Variants in OR1B1 observed in about 807,000 individuals in gnomAD.
OR1B1 encodes olfactory receptor family 1 subfamily B member 1.
For synonymous variants in OR1B1, 168 were observed against 156.2 expected (o/e 1.08, Z -0.57); for missense variants, 414 against 402.1 (o/e 1.03, Z -0.25).
At chr9:122,656,576 C>T in the OR1B1 span, among the ~76,000 whole-genome samples, 4 of 152,128 alleles carry the variant, frequency 2.6e-5, no homozygotes, top group Non-Finnish European at 5.9e-5. Context: ...AATGGGATAA[C>T]CCTTGCCAAA....
the OR1B1 span, among the ~76,000 whole-genome samples, chr9:122,653,515 T>C: frequency 6.6e-6 from 1 of 152,188 alleles, no homozygotes; most frequent in African/African-American, 2.4e-5. Context: ...AAATACAATA[T>C]AAGACATTCT....
the OR1B1 span, among the ~76,000 whole-genome samples, chr9:122,655,366 G>A: frequency 6.6e-6 from 1 of 152,116 alleles, no homozygotes; most frequent in Non-Finnish European, 1.5e-5. Flanking sequence ...CTCCTTGAAA[G>A]TCCTATTCTG....
At chr9:122,632,745 G>A (rs927447186), upstream of OR1B1, among the ~76,000 whole-genome samples, 4 of 152,106 alleles carry the variant, frequency 2.6e-5, no homozygotes, top group Non-Finnish European at 5.9e-5. Flanking sequence ...ATACCCAGGA[G>A]ACAGTACAAA....
At chr9:122,637,683 T>C in the OR1B1 span, among the ~76,000 whole-genome samples, 1 of 152,224 alleles carries the variant, frequency 6.6e-6, no homozygotes, top group African/African-American at 2.4e-5. Flanking sequence ...CATTCTTAGT[T>C]TGCAAACATT....
At chr9:122,628,313 T>G (rs911277269), downstream of OR1B1, among the ~76,000 whole-genome samples, 5 of 152,200 alleles carry the variant, frequency 3.3e-5, no homozygotes, top group African/African-American at 9.7e-5. Flanking sequence ...CTACCCAGAC[T>G]TGGTAATTCT....
upstream of OR1B1, among the ~76,000 whole-genome samples, chr9:122,633,855 A>G (rs1451873198): frequency 7.0e-6 from 1 of 143,650 alleles, no homozygotes; most frequent in Non-Finnish European, 1.5e-5. Flanking sequence ...TCTTGAACCC[A>G]GACGCAGAAG....
chr9:122,644,638 G>C, the OR1B1 span, among the ~76,000 whole-genome samples: 3 of 152,232 alleles, frequency 2.0e-5, no homozygotes, highest in African/African-American at 7.2e-5. Context: ...AAGAAAGAGA[G>C]ATAGTCCATA....
chr9:122,641,820 T>C, the OR1B1 span, among the ~76,000 whole-genome samples: 1 of 152,160 alleles, frequency 6.6e-6, no homozygotes, highest in South Asian at 2.1e-4. Context: ...TTTCACAAGG[T>C]ATGCAAATTC....
At chr9:122,633,254 A>T (rs1304873654), upstream of OR1B1, among the ~76,000 whole-genome samples, 1 of 152,188 alleles carries the variant, frequency 6.6e-6, no homozygotes, top group Non-Finnish European at 1.5e-5. Context: ...CTACATACAA[A>T]AGAATGGAAT....
At chr9:122,650,684 T>G in the OR1B1 span, among the ~76,000 whole-genome samples, 2,443 of 152,206 alleles carry the variant, frequency 0.016, 67 homozygotes, top group African/African-American at 0.056. Flanking sequence ...ATAAAAATGA[T>G]ATCACCTAAT....
the OR1B1 span, among the ~76,000 whole-genome samples, chr9:122,647,130 C>T: frequency 6.6e-6 from 1 of 152,194 alleles, no homozygotes; most frequent in African/African-American, 2.4e-5. Context: ...CATCCAATGG[C>T]TGCAGAAGAC....
the OR1B1 span, among the ~76,000 whole-genome samples, chr9:122,648,461 G>A: frequency 6.6e-6 from 1 of 152,110 alleles, no homozygotes; most frequent in African/African-American, 2.4e-5. Context: ...CACACAGAAT[G>A]GGCAAAAGCT....
At chr9:122,637,409 T>C in the OR1B1 span, among the ~76,000 whole-genome samples, 80 of 152,140 alleles carry the variant, frequency 5.3e-4, no homozygotes, top group Non-Finnish European at 9.7e-4. Flanking sequence ...CTCCCTTACA[T>C]TGGACATCTG....
the OR1B1 span, among the ~76,000 whole-genome samples, chr9:122,635,528 T>C: frequency 6.6e-6 from 1 of 152,170 alleles, no homozygotes; most frequent in Non-Finnish European, 1.5e-5. Flanking sequence ...TAAGGTGTTC[T>C]TACCACAAAA....
At chr9:122,635,138 T>C in the OR1B1 span, among the ~76,000 whole-genome samples, 1 of 152,160 alleles carries the variant, frequency 6.6e-6, no homozygotes, top group Non-Finnish European at 1.5e-5. Flanking sequence ...TAAGTGTCTT[T>C]TAATGAATGA....
chr9:122,629,517 TA>T lies in OR1B1; in HGVS notation c.18del (p.Asn7MetfsTer32). The T allele has an allele frequency of 6.2e-7, 1 of 1,607,576 alleles. No homozygotes were observed. ...AAAAAAACCGGAGAGTGTGAAGCAT[TA>T]GGGGCAAAGCTCATCATGAGTGACA... On this transcript the variant is annotated frameshift_variant, in exon 1 of 1. Coordinates refer to ENST00000623530, the Ensembl canonical transcript of OR1B1. LOFTEE classifies it low-confidence loss of function (END_TRUNC).
the OR1B1 span, among the ~76,000 whole-genome samples, chr9:122,652,774 T>C: frequency 6.6e-6 from 1 of 152,188 alleles, no homozygotes; most frequent in Non-Finnish European, 1.5e-5. Context: ...TATCAAGGAA[T>C]GATCCAAAAT....
At chr9:122,655,602 C>T in the OR1B1 span, among the ~76,000 whole-genome samples, 1 of 150,284 alleles carries the variant, frequency 6.7e-6, no homozygotes, top group African/African-American at 2.5e-5. Context: ...GAAAACCAAA[C>T]ACCACATGTT....
At chr9:122,650,308 T>C in the OR1B1 span, among the ~76,000 whole-genome samples, 2 of 152,162 alleles carry the variant, frequency 1.3e-5, no homozygotes, top group African/African-American at 4.8e-5. Flanking sequence ...AGATGACACG[T>C]TGATGGGTTC....
Sources: gnomAD v4.1 joint callset for allele counts (sites outside exome capture counted in the v4.1 genomes callset) on GRCh38, gnomAD v4.1.1 for gene constraint, MANE v1.5 for transcripts, NCBI Gene and HGNC (gene_info 2026-07-23, HGNC 2026-07-21) for gene names.